The following MIA2 variants were observed in gnomAD, a reference collection of about 807,000 sequenced individuals.
MIA2 encodes MIA SH3 domain ER export factor 2.
Under a neutral mutation model 167.8 loss-of-function variants are expected in MIA2, and 127 were observed. The ratio of observed to expected loss-of-function variants is 0.76; its 90% CI spans 0.66 to 0.88. The LOEUF (loss-of-function observed/expected upper bound fraction) is 0.88, where lower values mean the gene tolerates loss of function less well. Among genes scored for constraint, MIA2 ranks in the 40% least tolerant of loss-of-function variants. MIA2 has a pLI of 0.00. For synonymous variants in MIA2, 552 were observed against 541.9 expected, an observed-to-expected ratio of 1.02 and a Z score of -0.26; for missense variants, 1,690 against 1,624.7, an observed-to-expected ratio of 1.04 and a Z score of -0.69.
intron 19 of MIA2, among the ~76,000 whole-genome samples, chr14:39,314,514 G>C (rs1303450173): frequency 1.3e-5 from 2 of 150,722 alleles, no homozygotes; most frequent in Non-Finnish European, 2.9e-5. Flanking sequence ...AACTCAAGTA[G>C]TAGTATTAAG....
At chr14:39,321,826 T>A (rs1168180789) in intron 24 of MIA2, among the ~76,000 whole-genome samples, 1 of 151,500 alleles carries the variant, frequency 6.6e-6, no homozygotes, top group Non-Finnish European at 1.5e-5. Context: ...AGTGGCGCGA[T>A]CTCGGCTCAC....
intron 24 of MIA2, among the ~76,000 whole-genome samples, chr14:39,323,883 G>A (rs2066950979): frequency 6.6e-6 from 1 of 151,966 alleles, no homozygotes; most frequent in African/African-American, 2.4e-5. Flanking sequence ...TATCTGCAAG[G>A]GTGTTTTACC....
chr14:39,244,539 T>C (rs915952970), intron 3 of MIA2, among the ~76,000 whole-genome samples: 2 of 152,184 alleles, frequency 1.3e-5, no homozygotes, highest in African/African-American at 4.8e-5. Context: ...CAGTGCCAAG[T>C]ATATATTGTA....
At chr14:39,281,507 A>G (rs999694770) in intron 9 of MIA2, among the ~76,000 whole-genome samples, 4 of 151,658 alleles carry the variant, frequency 2.6e-5, no homozygotes. Context: ...TGCCTTTTTC[A>G]GTTCTGCAGT....
intron 23 of MIA2, among the ~76,000 whole-genome samples, chr14:39,360,464 TTG>T (rs946751680): frequency 1.6e-4 from 24 of 150,962 alleles, no homozygotes; most frequent in African/African-American, 5.9e-4. Flanking sequence ...GTTTTTTTTT[TTG>T]TTTGTTTGTT....
intron 23 of MIA2, among the ~76,000 whole-genome samples, chr14:39,374,915 A>G (rs8014839): frequency 0.65 from 99,004 of 152,130 alleles, 33,613 homozygotes; most frequent in African/African-American, 0.86. Context: ...TTAGGAAGCA[A>G]CTCTTTTAAA....
chr14:39,243,707 A>C (rs1481236244), intron 3 of MIA2, among the ~76,000 whole-genome samples: 1 of 152,140 alleles, frequency 6.6e-6, no homozygotes, highest in African/African-American at 2.4e-5. Flanking sequence ...CTTTACTAAG[A>C]ATACAAAAAT....
At chr14:39,344,740 C>G (rs1489355496) in intron 25 of MIA2, among the ~76,000 whole-genome samples, 1 of 152,160 alleles carries the variant, frequency 6.6e-6, no homozygotes, top group Non-Finnish European at 1.5e-5. Flanking sequence ...CACAATTCAC[C>G]TTCTTTGTCG....
Position 39,233,967 on chromosome 14 carries a change from G to A in MIA2, c.-148G>A, listed in dbSNP as rs2053623609. ...TTAAACCAACAAGCCGATAGAAAAAGGTAGTTATCAAGAGATTTTTAAAAC... is the reference window on the plus strand; with the variant it reads ...TTAAACCAACAAGCCGATAGAAAAAAGTAGTTATCAAGAGATTTTTAAAAC... On this transcript the variant is annotated 5_prime_UTR_variant, in exon 1 of 29. Coordinates refer to ENST00000640607, the MANE Select transcript of MIA2 (RefSeq NM_001329214.4). The A allele has an allele frequency of 7.9e-6, 4 of 505,092 alleles. No homozygotes were observed. Among genetic ancestry groups the A allele is most frequent in the Non-Finnish European group, 1.4e-5 (4 of 284,262 alleles). 31.3% of individuals were successfully genotyped at this position (505,092 alleles called of 1,614,324 possible).
chr14:39,288,460 TATA>T lies in MIA2; in HGVS notation c.2131-2558_2131-2556del, dbSNP rs1410567491. Among the ~76,000 whole-genome samples the T allele has an allele frequency of 1.9e-3, 31 of 15,980 alleles. 2 individuals are homozygous for T. The highest frequency in any genetic ancestry group is 2.6e-3 in the Non-Finnish European group (16 of 6,186). 10.5% of individuals were successfully genotyped at this position (15,980 alleles called of 152,430 possible). A position where few individuals can be genotyped will look rare whatever the true frequency, so the allele number is the denominator to read the frequency against. ...ATATATATATATATATATATATATA[TATA>T]TATATATATATATTTTTTTTTTTTT... is the stretch of plus-strand genomic sequence containing the variant. On this transcript the variant is annotated intron_variant, in intron 9 of 28. Transcript: ENST00000640607.
At chr14:39,302,395 C>A in intron 15 of MIA2, 146 bp downstream of exon 15, 1 of 912,868 alleles carries the variant, frequency 1.1e-6, no homozygotes, top group Non-Finnish European at 1.6e-6. Flanking sequence ...TTCTCACCAT[C>A]CCTTATAGTT....
At chr14:39,277,669 C>G (rs1429918829) in intron 7 of MIA2, among the ~76,000 whole-genome samples, 1 of 68,232 alleles carries the variant, frequency 1.5e-5, no homozygotes, top group Non-Finnish European at 2.9e-5. Context: ...AATGTAAGAT[C>G]TTTTATATAT....
chr14:39,261,014 A>G (rs1367549393), intron 6 of MIA2, among the ~76,000 whole-genome samples: 1 of 151,890 alleles, frequency 6.6e-6, no homozygotes, highest in Admixed American at 6.6e-5. Context: ...TTATACTTTA[A>G]GTTCTGGGGT....
At chr14:39,308,385 C>T in intron 17 of MIA2, 64 bp from the exon 18 acceptor site, 2 of 1,012,930 alleles carry the variant, frequency 2.0e-6, no homozygotes, top group Non-Finnish European at 1.4e-6. Flanking sequence ...TTTTATCTTT[C>T]TGAAATGTTA....
rs1172658006 is a variant in MIA2, at chr14:39,346,043, G to A, written c.3778+17G>A. On this transcript the variant is annotated intron_variant, in intron 26 of 28. Transcript: ENST00000640607. ...ATAAAATGGGTAAGAAGTACTTTGT[G>A]CTTTTCTTCTTTAAAAATTTTGGTG... 1.2e-6 allele frequency: 2 copies of A among 1,602,486 alleles called. No individual in the cohort carries two copies. The highest frequency in any genetic ancestry group is 2.7e-5 in the African/African-American group (2 of 74,154).
exon 24 of MIA2, chr14:39,387,095 G>T: frequency 1.7e-6 from 1 of 601,470 alleles, no homozygotes. Flanking sequence ...TGTCTCGGAG[G>T]CTGCCATCTT....
chr14:39,330,100 G>A (rs1306022926), intron 25 of MIA2, among the ~76,000 whole-genome samples: 2 of 152,044 alleles, frequency 1.3e-5, no homozygotes, highest in Non-Finnish European at 2.9e-5. Flanking sequence ...ATCTGGTCCT[G>A]GACTTTTTTG....
chr14:39,247,666 C>T lies in MIA2; in HGVS notation c.1092C>T (p.Asp364=). 1 of 1,610,834 alleles carries T rather than the reference C, an allele frequency of 6.2e-7. No individual in the cohort carries two copies. The change falls in exon 4 of 29, where the codon GAC becomes GAT. Residue 364 remains aspartate, a synonymous_variant. Transcript: ENST00000640607. ...PCTEILTEKK[D]TITNDSLSLK... is the part of the protein sequence containing the mutation. ...CAGAAATATTAACAGAAAAAAAAGA[C>T]ACAATCACTAATGATAGCTTGAGTC...
chr14:39,298,535 T>TTTTTTTTTTTG (rs2061845266), intron 13 of MIA2, among the ~76,000 whole-genome samples: 2 of 129,712 alleles, frequency 1.5e-5, no homozygotes, highest in African/African-American at 5.6e-5. Context: ...ACAGAGTTTT[T>TTTTTTTTTTTG]TTTTTTTTTT....
Sources: allele counts gnomAD v4.1 joint callset (sites outside exome capture counted in the v4.1 genomes callset), GRCh38; gene constraint gnomAD v4.1.1; transcripts MANE v1.5; gene names NCBI Gene and HGNC (gene_info 2026-07-23, HGNC 2026-07-21).